Variants in CHORDC1 observed in about 807,000 individuals in gnomAD.
CHORDC1 encodes cysteine and histidine-rich domain-containing protein 1.
A neutral mutation model predicts 48.3 loss-of-function variants in CHORDC1; 25 were observed. The ratio of observed to expected loss-of-function variants is 0.52; its 90% CI spans 0.38 to 0.72. CHORDC1 has a LOEUF of 0.72. CHORDC1 is among the 30% of genes least tolerant of loss of function. CHORDC1 has a pLI of 0.00. For synonymous variants in CHORDC1, 128 were observed against 126.4 expected (o/e 1.01, Z -0.09); for missense variants, 317 against 388.7 (o/e 0.82, Z 1.55).
chr11:90,201,685 T>C lies in CHORDC1; in HGVS notation c.*720A>G, dbSNP rs1419580301. The C allele has an allele frequency of 6.6e-6, 1 of 152,378 alleles. No individual in the cohort carries two copies. The highest frequency in any genetic ancestry group is 1.5e-5 in the Non-Finnish European group (1 of 67,870). The allele number at this position is 152,378 out of a possible 1,614,324, so 9.4% of individuals were successfully genotyped here. A position where few individuals can be genotyped will look rare whatever the true frequency, so the allele number is the denominator to read the frequency against. On this transcript the variant is annotated 3_prime_UTR_variant, in exon 11 of 11. Transcript: ENST00000320585. ...AACACCATACAAACACATTTAAATA[T>C]TCAGGAAAGAGGTTGTTAAGATTAT...
In CHORDC1 at chr11:90,214,168, G is replaced by A; in HGVS notation, c.179C>T (p.Thr60Ile). The A allele has an allele frequency of 6.2e-7, 1 of 1,606,198 alleles. No homozygotes were observed. The highest frequency in any genetic ancestry group is 8.5e-7 in the Non-Finnish European group (1 of 1,176,470). The change falls in exon 4 of 11, where the codon ACA becomes ATA. Residue 60 changes from threonine to isoleucine, a missense_variant. Thr to Ile is a moderately conservative substitution (Grantham distance 89, BLOSUM62 -1). Coordinates refer to ENST00000320585, the MANE Select transcript of CHORDC1 (RefSeq NM_012124.3). Reference sequence around the variant, plus strand: ...CTTCTCACTATTATGTCTACCTTTTGTACAGCCCTGTTAGTGAAAGATAAT... The same window carrying A: ...CTTCTCACTATTATGTCTACCTTTTATACAGCCCTGTTAGTGAAAGATAAT... ...FSDFLSIVGC[T>I]KGRHNSEKPP...
intron 2 of CHORDC1, 22 bp downstream of exon 2, chr11:90,218,113 A>T (rs754890206): frequency 1.3e-6 from 2 of 1,528,910 alleles, no homozygotes. Flanking sequence ...AGATATGAAA[A>T]AAATGAAAAT....
intron 6 of CHORDC1, chr11:90,208,342 A>G (rs1487830269): frequency 1.3e-5 from 2 of 152,168 alleles, no homozygotes; most frequent in Non-Finnish European, 2.9e-5. Flanking sequence ...AAACAGAAGA[A>G]TCGCTTGAAC....
chr11:90,210,235 T>C (rs1857822354), intron 6 of CHORDC1, among the ~76,000 whole-genome samples: 1 of 152,178 alleles, frequency 6.6e-6, no homozygotes, highest in Non-Finnish European at 1.5e-5. Context: ...CATTCTAGAA[T>C]ATCAGCTCCA....
chr11:90,216,570 TA>T (rs1460763675), intron 2 of CHORDC1: 8 of 438,872 alleles, frequency 1.8e-5, no homozygotes, highest in African/African-American at 1.6e-4. Flanking sequence ...GAAATGGTTA[TA>T]AAATAGAGAC....
chr11:90,208,831 G>T (rs999312925), intron 6 of CHORDC1: 1 of 152,044 alleles, frequency 6.6e-6, no homozygotes, highest in South Asian at 2.1e-4. Flanking sequence ...CAATGAAAAA[G>T]ACTAAAAAAT....
intron 4 of CHORDC1, chr11:90,211,622 G>A: frequency 3.9e-6 from 1 of 256,380 alleles, no homozygotes; most frequent in Non-Finnish European, 7.4e-6. Flanking sequence ...AGGTTTTCAA[G>A]ATGAGTAATG....
At chr11:90,221,579 A>G (rs1025329318) in intron 1 of CHORDC1, among the ~76,000 whole-genome samples, 2 of 152,202 alleles carry the variant, frequency 1.3e-5, no homozygotes, top group Non-Finnish European at 2.9e-5. Flanking sequence ...TTAAAGTAGA[A>G]TATCTGCAGA....
chr11:90,216,521 C>A (rs937337862), intron 2 of CHORDC1: 1 of 439,328 alleles, frequency 2.3e-6, no homozygotes, highest in Admixed American at 2.6e-5. Context: ...ATCTTCTGGA[C>A]TGTGAAATCC....
chr11:90,215,284 C>A (rs2135049730), intron 2 of CHORDC1, 54 bp from the exon 3 acceptor site: 1 of 1,184,130 alleles, frequency 8.4e-7, no homozygotes, highest in Non-Finnish European at 1.2e-6. Context: ...AGAAACACGA[C>A]CCACTAAAAC....
intron 8 of CHORDC1, among the ~76,000 whole-genome samples, chr11:90,203,843 C>A (rs746840698): frequency 5.3e-5 from 8 of 152,118 alleles, no homozygotes; most frequent in Non-Finnish European, 1.0e-4. Flanking sequence ...TAACCTCATG[C>A]ACTAGAAACC....
In CHORDC1 at chr11:90,202,243, CAA is replaced by C. The variant is rs1446956638; in HGVS notation, c.*160_*161del. 4.7e-6 allele frequency: 3 copies of C among 640,722 alleles called. No individual in the cohort carries two copies. Among genetic ancestry groups the C allele is most frequent in the Non-Finnish European group, 8.1e-6 (3 of 370,112 alleles). 39.7% of individuals were successfully genotyped at this position (640,722 alleles called of 1,614,324 possible). On this transcript the variant is annotated 3_prime_UTR_variant, in exon 11 of 11. Transcript: ENST00000320585. ...TAACACAAAAGAAAGATGAGAGGCACAAAAAGACAAACTGACTTTGGCTTTTA... is the reference window on the plus strand; with the variant it reads ...TAACACAAAAGAAAGATGAGAGGCACAAAGACAAACTGACTTTGGCTTTTA...
intron 3 of CHORDC1, among the ~76,000 whole-genome samples, 164 bp downstream of exon 3, chr11:90,215,010 A>G (rs1857972012): frequency 6.6e-6 from 1 of 151,998 alleles, no homozygotes; most frequent in African/African-American, 2.4e-5. Flanking sequence ...CAGATTCTTT[A>G]TTTTACAAGC....
rs753194261 is a variant in CHORDC1 at position 90,214,153 on chromosome 11, T to G, written c.194A>C (p.Asn65Thr). The change falls in exon 4 of 11, where the codon AAT becomes ACT. Residue 65 changes from asparagine (N) to threonine (T), a missense_variant. Physicochemically the swap from Asn to Thr is moderately conservative, Grantham distance 65. Coordinates refer to ENST00000320585, the MANE Select transcript of CHORDC1 (RefSeq NM_012124.3). ...SIVGCTKGRH[N>T]SEKPPEPVKP... ...GACTGGCTCAGGTGGCTTCTCACTA[T>G]TATGTCTACCTTTTGTACAGCCCTG... The G allele has an allele frequency of 6.2e-7, 1 of 1,612,660 alleles. No homozygotes were observed. The highest frequency in any genetic ancestry group is 8.5e-7 in the Non-Finnish European group (1 of 1,179,102).
rs1277005063 is a variant in CHORDC1 at position 90,202,241 on chromosome 11, C to G, written c.*164G>C. On this transcript the variant is annotated 3_prime_UTR_variant, in exon 11 of 11. Transcript: ENST00000320585. ...CATAACACAAAAGAAAGATGAGAGG[C>G]ACAAAAAGACAAACTGACTTTGGCT... The G allele has an allele frequency of 6.4e-6, 4 of 624,314 alleles. No individual in the cohort carries two copies. 38.7% of individuals were successfully genotyped at this position (624,314 alleles called of 1,614,324 possible). A position where few individuals can be genotyped will look rare whatever the true frequency, so the allele number is the denominator to read the frequency against.
chr11:90,204,417 T>C (rs2135027227), intron 8 of CHORDC1, among the ~76,000 whole-genome samples: 1 of 148,478 alleles, frequency 6.7e-6, no homozygotes, highest in East Asian at 2.0e-4. Flanking sequence ...TATCCAACCA[T>C]GTGTTATTAA....
Position 90,203,431 on chromosome 11 carries a change from T to C in CHORDC1, c.670-4A>G, listed in dbSNP as rs755176692. On this transcript the variant is annotated splice_polypyrimidine_tract_variant and splice_region_variant and intron_variant, in intron 8 of 10. Coordinates refer to ENST00000320585, the MANE Select transcript of CHORDC1 (RefSeq NM_012124.3). ...TACATGGAACAACTTTTTTCCCCTG[T>C]AATGTAAGAGAAACTCTGTAAGTTA... 6.5e-7 allele frequency: 1 copy of C among 1,541,838 alleles called. No individual in the cohort carries two copies. Among genetic ancestry groups the C allele is most frequent in the South Asian group, 1.2e-5 (1 of 80,846 alleles).
In CHORDC1 at chr11:90,201,362, C is replaced by A. The variant is rs1319356354; in HGVS notation, c.*1043G>T. The A allele has an allele frequency of 6.6e-6, 1 of 151,736 alleles. No individual in the cohort carries two copies. Among genetic ancestry groups the A allele is most frequent in the African/African-American group, 2.4e-5 (1 of 41,360 alleles). 9.4% of individuals were successfully genotyped at this position (151,736 alleles called of 1,614,324 possible). A position where few individuals can be genotyped will look rare whatever the true frequency, so the allele number is the denominator to read the frequency against. ...ATCCAAACGATCTAATTCTGTATTA[C>A]CTATATTTAATATAAAGTACAATAT... is the stretch of plus-strand genomic sequence containing the variant. On this transcript the variant is annotated 3_prime_UTR_variant, in exon 11 of 11. Transcript: ENST00000320585.
Position 90,210,569 on chromosome 11 carries a change from A to G in CHORDC1, c.459T>C (p.Ile153=), listed in dbSNP as rs201505675. Residue 153 remains isoleucine, a synonymous_variant, in exon 6 of 11, where the codon ATT becomes ATC. Coordinates refer to ENST00000320585, the MANE Select transcript of CHORDC1 (RefSeq NM_012124.3). ...ACCCTCCATTCTTACATGAGGTCCCAATCTTAATTTCATCATTGTCTTCTT... is the reference window on the plus strand; with the variant it reads ...ACCCTCCATTCTTACATGAGGTCCCGATCTTAATTTCATCATTGTCTTCTT... ...KKEEDNDEIK[I]GTSCKNGGCS... The G allele has an allele frequency of 2.4e-5, 38 of 1,592,412 alleles. No individual in the cohort carries two copies. The highest frequency in any genetic ancestry group is 3.8e-4 in the Middle Eastern group (2 of 5,268).
Sources: gnomAD v4.1 joint callset for allele counts (sites outside exome capture counted in the v4.1 genomes callset) on GRCh38, gnomAD v4.1.1 for gene constraint, MANE v1.5 for transcripts, NCBI Gene and HGNC (gene_info 2026-07-23, HGNC 2026-07-21) for gene names.